Variants in UGP2 observed in about 807,000 individuals in gnomAD.
UGP2 encodes UTP--glucose-1-phosphate uridylyltransferase.
Under a neutral mutation model 49.0 loss-of-function variants are expected in UGP2, and 40 were observed. The ratio of observed to expected loss-of-function variants is 0.82; its 90% confidence interval spans 0.63 to 1.06. The LOEUF is 1.06. Ranked by LOEUF, UGP2 falls within the 50% of genes least tolerant of loss-of-function variation. The pLI, the probability that UGP2 is intolerant of heterozygous loss-of-function variation, is 0.00. For synonymous variants in UGP2, 225 were observed against 213.0 expected (o/e 1.06, Z -0.49); for missense variants, 460 against 603.5 (o/e 0.76, Z 2.49).
chr2:63,861,583 A>G (rs1669849354), intron 3 of UGP2, among the ~76,000 whole-genome samples: 1 of 150,884 alleles, frequency 6.6e-6, no homozygotes, highest in Non-Finnish European at 1.5e-5. Context: ...AGCTACTTGG[A>G]AGGCTGAGGT....
intron 1 of UGP2, among the ~76,000 whole-genome samples, chr2:63,850,241 C>A (rs756265205): frequency 6.6e-6 from 1 of 151,958 alleles, no homozygotes; most frequent in Non-Finnish European, 1.5e-5. Flanking sequence ...TAGCAAAAAT[C>A]TTTTTTAGCG....
chr2:63,887,903 T>C (rs6727909), intron 8 of UGP2: 28,177 of 422,264 alleles, frequency 0.067, 1,495 homozygotes, highest in African/African-American at 0.2. Flanking sequence ...CCAAGACCAG[T>C]ACTGCTTTCA....
chr2:63,842,191 G>A lies in UGP2; in HGVS notation c.6G>A (p.Ser2=), dbSNP rs139733155. 1 of 1,594,684 alleles carries A rather than the reference G, an allele frequency of 6.3e-7. No homozygotes were observed. The highest frequency in any genetic ancestry group is 1.4e-5 in the African/African-American group (1 of 73,122). The change falls in exon 1 of 10, where the codon TCG becomes TCA. Residue 2 remains serine, a synonymous_variant. Transcript: ENST00000337130. M[S]RFVQDLSKAM... is the part of the protein sequence containing the mutation. ...TATTTTACTAAGCCCCTAAAATGTC[G>A]AGATTTGTACAAGGTAAGAAATGCT...
intron 3 of UGP2, among the ~76,000 whole-genome samples, chr2:63,874,533 A>T (rs141882387): frequency 6.6e-6 from 1 of 152,322 alleles, no homozygotes; most frequent in Non-Finnish European, 1.5e-5. Context: ...GGAGGAAAAC[A>T]GAGTATGGTG....
chr2:63,845,154 T>C (rs1450980500), intron 1 of UGP2, among the ~76,000 whole-genome samples: 1 of 152,184 alleles, frequency 6.6e-6, no homozygotes, highest in Non-Finnish European at 1.5e-5. Context: ...ACCTCTTAGA[T>C]TATATAAATG....
At chr2:63,889,671 C>CT (rs1425653265) in intron 8 of UGP2, 1 of 155,882 alleles carries the variant, frequency 6.4e-6, no homozygotes, top group African/African-American at 2.4e-5. Flanking sequence ...GTTGCTCTTC[C>CT]TAAAATGTGC....
rs536403627 is a variant in UGP2 at position 63,891,317 on chromosome 2, A to G, written c.*90A>G. 8.5e-5 allele frequency: 93 copies of G among 1,094,676 alleles called. 1 individual carries two copies. Among genetic ancestry groups the G allele is most frequent in the Non-Finnish European group, 1.2e-4 (85 of 737,110 alleles). The allele number at this position is 1,094,676 out of a possible 1,614,324, so 67.8% of individuals were successfully genotyped here. A position where few individuals can be genotyped will look rare whatever the true frequency, so the allele number is the denominator to read the frequency against. The stretch of plus-strand genomic sequence containing the variant: ...TTCTAAAATAGGCAGGTACTTTACT[A>G]TGTTACTGTACCCTGCAGTGTTGAT... On this transcript the variant is annotated 3_prime_UTR_variant, in exon 10 of 10. Coordinates refer to ENST00000337130, the MANE Select transcript of UGP2 (RefSeq NM_006759.4).
chr2:63,842,375 C>G, intron 1 of UGP2, 171 bp downstream of exon 1: 3 of 1,599,976 alleles, frequency 1.9e-6, no homozygotes, highest in Non-Finnish European at 2.5e-6. Context: ...GGTTGACGTT[C>G]CAGACGCGTA....
At chr2:63,887,703 T>C (rs528630973) in intron 8 of UGP2, 59 bp downstream of exon 8, 20 of 1,584,816 alleles carry the variant, frequency 1.3e-5, no homozygotes, top group Non-Finnish European at 1.7e-5. Flanking sequence ...TATAAAGATA[T>C]GATATACATG....
intron 3 of UGP2, among the ~76,000 whole-genome samples, chr2:63,875,005 A>G (rs1446930976): frequency 1.3e-5 from 2 of 152,230 alleles, no homozygotes; most frequent in Non-Finnish European, 2.9e-5. Context: ...CTTTATGGCA[A>G]CACAACCAGA....
At position 63,886,001 on chromosome 2, in the gene UGP2, C is replaced by A. The variant is rs1330175626; in HGVS notation, c.873+115C>A. The A allele has an allele frequency of 5.1e-6, 6 of 1,169,894 alleles. No individual in the cohort carries two copies. The African/African-American group carries it at 9.4e-5, about 18-fold the overall frequency. The allele number at this position is 1,169,894 out of a possible 1,614,324, so 72.5% of individuals were successfully genotyped here. On this transcript the variant is annotated intron_variant, in intron 6 of 9. Transcript: ENST00000337130. ...TGTTAAACAACACATTTAATATGTT[C>A]TGTTTGACATAATAGTATGTATCAT...
chr2:63,856,921 T>A, intron 2 of UGP2: 1 of 423,152 alleles, frequency 2.4e-6, no homozygotes, highest in South Asian at 1.7e-5. Context: ...TTATACTTAA[T>A]GTTTTGAAGC....
Position 63,885,631 on chromosome 2 carries a change from G to C in UGP2, c.618G>C (p.Lys206Asn). 1.3e-6 allele frequency: 2 copies of C among 1,592,790 alleles called. No individual in the cohort carries two copies. The highest frequency in any genetic ancestry group is 1.7e-6 in the Non-Finnish European group (2 of 1,173,454). The change falls in exon 6 of 10, where the codon AAG (lysine) becomes AAC (asparagine). Residue 206 changes from lysine to asparagine, a missense_variant. Lys to Asn is a moderately conservative substitution (Grantham distance 94, BLOSUM62 0). Around this residue, in one of 2 missense-constraint regions of UGP2, gnomAD observed 317 missense variants for 473.0 expected, o/e 0.67. Transcript: ENST00000337130. ...AAGAATCTTTACTTCCTGTAGCAAA[G>C]GACGTGTCTTACTCAGGGGAAAATA... The part of the protein sequence containing the change: ...INKESLLPVA[K>N]DVSYSGENTE...
chr2:63,843,820 G>A (rs147051310), intron 1 of UGP2, among the ~76,000 whole-genome samples: 1 of 152,346 alleles, frequency 6.6e-6, no homozygotes, highest in East Asian at 1.9e-4. Flanking sequence ...TCAGATTACA[G>A]TTCCCATGAT....
chr2:63,854,803 T>C (rs1175970296), intron 1 of UGP2: 1 of 152,222 alleles, frequency 6.6e-6, no homozygotes, highest in Non-Finnish European at 1.5e-5. Flanking sequence ...TCATGTGCAT[T>C]GGTGCTGTAT....
intron 1 of UGP2, among the ~76,000 whole-genome samples, chr2:63,850,725 C>A (rs1668992330): frequency 6.6e-6 from 1 of 152,168 alleles, no homozygotes; most frequent in African/African-American, 2.4e-5. Context: ...GCCTTAGGGA[C>A]TGGGGCTTCA....
At chr2:63,842,528 T>G in intron 1 of UGP2, 1 of 1,533,684 alleles carries the variant, frequency 6.5e-7, no homozygotes, top group Non-Finnish European at 8.7e-7. Context: ...CTTTTCCTGG[T>G]CTGTGTCAAG....
intron 1 of UGP2, chr2:63,856,056 CG>C (rs1669394665): frequency 3.0e-6 from 1 of 331,140 alleles, no homozygotes; most frequent in Non-Finnish European, 5.5e-6. Flanking sequence ...ATGAAAACGT[CG>C]ATACAGGGAA....
At chr2:63,858,103 C>T (rs1007428762) in intron 3 of UGP2, 167 bp downstream of exon 3, 50 of 610,890 alleles carry the variant, frequency 8.2e-5, no homozygotes, top group South Asian at 1.6e-4. Flanking sequence ...CAGCCTTCAG[C>T]TCCTTTCCCT....
Sources: gnomAD v4.1 joint callset for allele counts (sites outside exome capture counted in the v4.1 genomes callset) on GRCh38, gnomAD v4.1.1 for gene constraint, gnomAD v4.1.1 regional missense constraint, MANE v1.5 for transcripts, NCBI Gene and HGNC (gene_info 2026-07-23, HGNC 2026-07-21) for gene names.